MRC1: variants seen among roughly 807,000 people sequenced by gnomAD.
MRC1 encodes the protein mannose receptor C-type 1.
MRC1 carries 62 observed loss-of-function variants against 102.9 expected under a neutral mutation model. The ratio of observed to expected loss-of-function variants is 0.60; its 90% CI spans 0.49 to 0.74. MRC1 has a LOEUF of 0.74. Among genes scored for constraint, MRC1 ranks in the 30% least tolerant of loss-of-function variants. The pLI, the probability that MRC1 is intolerant of heterozygous loss-of-function variation, is 0.00. For synonymous variants in MRC1, 457 were observed against 298.4 expected (o/e 1.53, Z -5.48); for missense variants, 1,237 against 862.8 (o/e 1.43, Z -5.43).
At chr10:17,901,483 G>A (rs1042092229) in intron 25 of MRC1, among the ~76,000 whole-genome samples, 9 of 152,278 alleles carry the variant, frequency 5.9e-5, no homozygotes, top group African/African-American at 2.2e-4. Context: ...GAGGTCAGGA[G>A]GTTGAGACCA....
intron 18 of MRC1, among the ~76,000 whole-genome samples, 176 bp downstream of exon 18, chr10:17,878,143 C>T (rs1329256313): frequency 1.3e-5 from 2 of 152,176 alleles, no homozygotes; most frequent in African/African-American, 4.8e-5. Context: ...ATTTTCAGCA[C>T]TATAAATTCC....
At chr10:17,902,784 T>G (rs1833845729) in intron 26 of MRC1, among the ~76,000 whole-genome samples, 1 of 152,096 alleles carries the variant, frequency 6.6e-6, no homozygotes, top group African/African-American at 2.4e-5. Context: ...AAATTCTGAG[T>G]GAGATGAAGT....
chr10:17,892,125 T>C (rs992175849), intron 22 of MRC1, among the ~76,000 whole-genome samples: 2 of 152,196 alleles, frequency 1.3e-5, no homozygotes, highest in African/African-American at 4.8e-5. Context: ...CTGGTCTTAT[T>C]AAGAACAGAA....
chr10:17,846,763 G>A (rs1402369526), intron 6 of MRC1, among the ~76,000 whole-genome samples: 1 of 152,138 alleles, frequency 6.6e-6, no homozygotes. Context: ...CAGCTTCTAT[G>A]TTTAATTTTA....
At chr10:17,882,510 G>A (rs1236568697) in intron 21 of MRC1, among the ~76,000 whole-genome samples, 2 of 152,106 alleles carry the variant, frequency 1.3e-5, no homozygotes, top group African/African-American at 4.8e-5. Flanking sequence ...CTCTCTTTTG[G>A]TTCAGAGATT....
chr10:17,816,254 C>G (rs1237434411), intron 1 of MRC1, among the ~76,000 whole-genome samples: 1 of 152,136 alleles, frequency 6.6e-6, no homozygotes, highest in Non-Finnish European at 1.5e-5. Flanking sequence ...GAACATATTT[C>G]TTAGTTTGGA....
At chr10:17,863,405 C>T (rs1056177484) in intron 10 of MRC1, 129 bp from the exon 11 acceptor site, 5 of 705,412 alleles carry the variant, frequency 7.1e-6, no homozygotes, top group Non-Finnish European at 1.3e-5. Context: ...AAATATAACA[C>T]AATATATTTG....
chr10:17,814,661 CG>C (rs1838278288), intron 1 of MRC1, among the ~76,000 whole-genome samples: 1 of 148,216 alleles, frequency 6.7e-6, no homozygotes, highest in Non-Finnish European at 1.5e-5. Context: ...TCCGTGTTCT[CG>C]GTCCTTCCGT....
intron 23 of MRC1, 82 bp downstream of exon 23, chr10:17,894,394 CTTTTT>C (rs34625338): frequency 1.1e-3 from 466 of 405,244 alleles, no homozygotes; most frequent in East Asian, 2.2e-3. Flanking sequence ...TTCTTTCTTT[CTTTTT>C]TTTTTTTTTT....
intron 8 of MRC1, among the ~76,000 whole-genome samples, chr10:17,855,289 C>T (rs1310266052): frequency 4.6e-5 from 7 of 152,072 alleles, no homozygotes; most frequent in South Asian, 2.1e-4. Context: ...ACGCTGCATG[C>T]GGCCGGGCCC....
intron 4 of MRC1, 94 bp from the exon 5 acceptor site, chr10:17,840,599 A>G (rs1455508681): frequency 2.6e-6 from 2 of 760,900 alleles, no homozygotes; most frequent in Non-Finnish European, 4.9e-6. Context: ...CCTCAGTGAC[A>G]TTTTGATTCA....
chr10:17,837,085 C>T (rs1554839520), intron 4 of MRC1, among the ~76,000 whole-genome samples: 1 of 152,106 alleles, frequency 6.6e-6, no homozygotes, highest in African/African-American at 2.4e-5. Context: ...TTCCTGGTTC[C>T]CGGACTCTGC....
At chr10:17,903,103 C>T (rs1833850510) in intron 26 of MRC1, among the ~76,000 whole-genome samples, 2 of 152,072 alleles carry the variant, frequency 1.3e-5, no homozygotes, top group South Asian at 4.1e-4. Flanking sequence ...CTTTTACTTT[C>T]AACCTATTTG....
intron 10 of MRC1, among the ~76,000 whole-genome samples, chr10:17,862,460 T>C (rs1163565612): frequency 6.6e-6 from 1 of 152,212 alleles, no homozygotes; most frequent in East Asian, 1.9e-4. Context: ...TGCACTATAA[T>C]TGATCTTTTG....
chr10:17,878,475 A>C (rs1441935652), intron 18 of MRC1, among the ~76,000 whole-genome samples: 4 of 152,112 alleles, frequency 2.6e-5, no homozygotes, highest in Non-Finnish European at 5.9e-5. Flanking sequence ...AGCCAGAAAA[A>C]GCTGTAGGGA....
At chr10:17,848,854 T>C (rs1375214851) in intron 6 of MRC1, among the ~76,000 whole-genome samples, 1 of 152,134 alleles carries the variant, frequency 6.6e-6, no homozygotes, top group Non-Finnish European at 1.5e-5. Context: ...AACAAGTGGC[T>C]GACTCATGTG....
chr10:17,875,368 C>A, intron 17 of MRC1, 115 bp downstream of exon 17: 1 of 734,480 alleles, frequency 1.4e-6, no homozygotes, highest in Non-Finnish European at 2.5e-6. Context: ...CACCCGTCAC[C>A]TGAGCAGTAT....
At chr10:17,829,890 T>A (rs1331212854) in intron 3 of MRC1, among the ~76,000 whole-genome samples, 3 of 151,540 alleles carry the variant, frequency 2.0e-5, no homozygotes, top group Non-Finnish European at 4.4e-5. Flanking sequence ...TGGAGACGTA[T>A]CTTGAGTTTG....
chr10:17,850,821 G>A (rs1364122044), intron 7 of MRC1, among the ~76,000 whole-genome samples: 2 of 152,126 alleles, frequency 1.3e-5, no homozygotes, highest in African/African-American at 2.4e-5. Flanking sequence ...AAATAGAGTA[G>A]TAGCAGAAAA....
Sources: gnomAD v4.1 joint callset for allele counts (sites outside exome capture counted in the v4.1 genomes callset) on GRCh38, gnomAD v4.1.1 for gene constraint, MANE v1.5 for transcripts, NCBI Gene and HGNC (gene_info 2026-07-23, HGNC 2026-07-21) for gene names.